TTC28: variants seen among roughly 807,000 people sequenced by gnomAD.
The protein encoded by TTC28 is tetratricopeptide repeat protein 28.
Under a neutral mutation model 198.0 loss-of-function variants are expected in TTC28, and 61 were observed. That is an observed-to-expected ratio of 0.31 (90% CI 0.25 to 0.38). TTC28 has a LOEUF of 0.38. Among genes scored for constraint, TTC28 ranks in the 10% least tolerant of loss-of-function variants. The probability of loss-of-function intolerance (pLI) is 1.00; values close to 1 mark genes in which losing one functional copy is unlikely to be tolerated. For synonymous variants in TTC28, 1,171 were observed against 1,297.8 expected, an observed-to-expected ratio of 0.90 and a Z score of 2.10; for missense variants, 2,678 against 3,164.0, an observed-to-expected ratio of 0.85 and a Z score of 3.69.
At chr22:28,001,653 G>A (rs1455500185) in intron 14 of TTC28, 100 bp from the exon 15 acceptor site, 9 of 1,368,328 alleles carry the variant, frequency 6.6e-6, no homozygotes, top group South Asian at 1.4e-5. Context: ...ACACAAGCAC[G>A]AGCAGGTGAG....
At chr22:28,140,929 AAGGAAG>A (rs1943316070) in intron 6 of TTC28, among the ~76,000 whole-genome samples, 1 of 119,100 alleles carries the variant, frequency 8.4e-6, no homozygotes, top group African/African-American at 2.9e-5. Flanking sequence ...TTTAAATGCA[AAGGAAG>A]AGGAGGAGGA....
intron 1 of TTC28, among the ~76,000 whole-genome samples, chr22:28,673,241 G>C (rs2051919176): frequency 6.6e-6 from 1 of 152,130 alleles, no homozygotes; most frequent in Admixed American, 6.5e-5. Flanking sequence ...AGACTTGGTG[G>C]CAGGCGCCTG....
At chr22:28,485,406 C>G (rs2048303335) in intron 2 of TTC28, among the ~76,000 whole-genome samples, 1 of 152,102 alleles carries the variant, frequency 6.6e-6, no homozygotes, top group Non-Finnish European at 1.5e-5. Context: ...ATATAAACTG[C>G]TATCTTAACA....
intron 5 of TTC28, among the ~76,000 whole-genome samples, chr22:28,244,328 T>C (rs1929919282): frequency 1.3e-5 from 2 of 152,174 alleles, no homozygotes; most frequent in African/African-American, 4.8e-5. Context: ...AAAGACAACA[T>C]GGATTCCACT....
chr22:28,106,989 C>T lies in TTC28; in HGVS notation c.2783+73G>A, dbSNP rs1408691118. ...TAGTTAACAAACTGCCATGCAGACA[C>T]GAAGTTGCCTTTACTGCCACAAATG... On this transcript the variant is annotated intron_variant, in intron 7 of 22. Transcript: ENST00000397906. 62 of 1,474,840 alleles carry T rather than the reference C, an allele frequency of 4.2e-5. No individual in the cohort carries two copies. In the Middle Eastern group the frequency reaches 6.4e-4, roughly 15 times the overall value. 91.4% of individuals were successfully genotyped at this position (1,474,840 alleles called of 1,614,324 possible).
intron 5 of TTC28, among the ~76,000 whole-genome samples, chr22:28,222,999 C>G (rs1015664044): frequency 1.3e-5 from 2 of 152,124 alleles, no homozygotes; most frequent in Admixed American, 1.3e-4. Flanking sequence ...ATTAGGTATG[C>G]TGACAAAAAG....
At chr22:28,041,932 C>A (rs1042038217) in intron 12 of TTC28, among the ~76,000 whole-genome samples, 14 of 151,550 alleles carry the variant, frequency 9.2e-5, no homozygotes, top group Non-Finnish European at 1.5e-5. Flanking sequence ...TATGAACAGA[C>A]ACTTCTTAAA....
chr22:28,152,558 G>C (rs1943635201), intron 6 of TTC28, among the ~76,000 whole-genome samples: 1 of 152,064 alleles, frequency 6.6e-6, no homozygotes, highest in Admixed American at 6.5e-5. Context: ...CACTAAAATA[G>C]AATAATAATG....
At chr22:28,088,991 A>T (rs938914558) in intron 12 of TTC28, among the ~76,000 whole-genome samples, 1 of 152,118 alleles carries the variant, frequency 6.6e-6, no homozygotes, top group African/African-American at 2.4e-5. Context: ...TTAGAATGGC[A>T]ATCATTAAAA....
At chr22:28,178,605 A>T (rs1181592514) in intron 5 of TTC28, among the ~76,000 whole-genome samples, 1 of 152,220 alleles carries the variant, frequency 6.6e-6, no homozygotes, top group Non-Finnish European at 1.5e-5. Flanking sequence ...GTGTGTTATG[A>T]TTGGAGAATA....
At chr22:28,574,112 C>G (rs561825512) in intron 2 of TTC28, among the ~76,000 whole-genome samples, 14 of 152,308 alleles carry the variant, frequency 9.2e-5, no homozygotes, top group Admixed American at 7.2e-4. Flanking sequence ...TCCCCAGGCT[C>G]AGGTGATCCT....
chr22:28,469,132 C>A (rs2146295889), intron 2 of TTC28, among the ~76,000 whole-genome samples: 1 of 152,264 alleles, frequency 6.6e-6, no homozygotes, highest in South Asian at 2.1e-4. Flanking sequence ...TGAAACTTAA[C>A]CAGGGTTGGA....
chr22:28,224,035 C>G (rs1447013830), intron 5 of TTC28, among the ~76,000 whole-genome samples: 1 of 152,162 alleles, frequency 6.6e-6, no homozygotes, highest in Non-Finnish European at 1.5e-5. Flanking sequence ...CTGGGAATGT[C>G]TGGAGACATG....
At chr22:28,512,324 G>A (rs2048700618) in intron 2 of TTC28, among the ~76,000 whole-genome samples, 1 of 152,126 alleles carries the variant, frequency 6.6e-6, no homozygotes, top group Non-Finnish European at 1.5e-5. Context: ...TTACACTGTT[G>A]GTAGAGTGTA....
chr22:28,482,477 A>G (rs1003002888), intron 2 of TTC28, among the ~76,000 whole-genome samples: 11 of 151,972 alleles, frequency 7.2e-5, no homozygotes, highest in African/African-American at 2.7e-4. Context: ...CAAAGTGCTA[A>G]GATTACAGGC....
chr22:28,161,524 T>TATGGTTCTA lies in TTC28; in HGVS notation c.1441+1567_1441+1568insTAGAACCAT, dbSNP rs1409585163. ...ATTAGCTGGTCAGGGTGGCATGCAC[T>TATGGTTCTA]GCATCTATGGTTCTAGCTACTCGGG... On this transcript the variant is annotated intron_variant, in intron 6 of 22. Transcript: ENST00000397906. Among the ~76,000 whole-genome samples the TATGGTTCTA allele has an allele frequency of 2.0e-5, 3 of 152,050 alleles. No individual in the cohort carries two copies. In the South Asian group the frequency reaches 6.2e-4, roughly 31 times the overall value.
chr22:28,353,775 T>C (rs569173029), intron 2 of TTC28, among the ~76,000 whole-genome samples: 12 of 152,142 alleles, frequency 7.9e-5, no homozygotes, highest in Non-Finnish European at 1.6e-4. Context: ...GCAAATCATA[T>C]ACCTGATAAG....
At chr22:28,503,026 T>C (rs778523552) in intron 2 of TTC28, among the ~76,000 whole-genome samples, 8 of 152,184 alleles carry the variant, frequency 5.3e-5, no homozygotes, top group Non-Finnish European at 1.0e-4. Context: ...AAACAATTTG[T>C]TGATTTTTTT....
intron 1 of TTC28, among the ~76,000 whole-genome samples, chr22:28,669,312 AAAAG>A (rs1227858050): frequency 2.8e-4 from 43 of 151,652 alleles, no homozygotes; most frequent in Admixed American, 1.8e-3. Context: ...TAAAAAAAAA[AAAAG>A]AAAGAAAAAG....
Sources: allele counts gnomAD v4.1 joint callset (sites outside exome capture counted in the v4.1 genomes callset), GRCh38; gene constraint gnomAD v4.1.1; transcripts MANE v1.5; gene names NCBI Gene and HGNC (gene_info 2026-07-23, HGNC 2026-07-21).